Variants in ITGA8 observed in about 807,000 individuals in gnomAD.
ITGA8 encodes integrin subunit alpha 8.
In ITGA8, 91 loss-of-function variants were observed where a neutral mutation model predicts 142.3. That is an observed-to-expected ratio of 0.64 (90% CI 0.54 to 0.76). The LOEUF (loss-of-function observed/expected upper bound fraction) is 0.76. Among genes scored for constraint, ITGA8 ranks in the 30% least tolerant of loss-of-function variants. The pLI, the probability that ITGA8 is intolerant of heterozygous loss-of-function variation, is 0.00. For synonymous variants in ITGA8, 505 were observed against 485.2 expected, an observed-to-expected ratio of 1.04 and a Z score of -0.54; for missense variants, 1,406 against 1,327.7, an observed-to-expected ratio of 1.06 and a Z score of -0.92.
At chr10:15,584,604 A>G (rs559766318) in intron 23 of ITGA8, among the ~76,000 whole-genome samples, 2 of 152,332 alleles carry the variant, frequency 1.3e-5, no homozygotes, top group Non-Finnish European at 2.9e-5. Flanking sequence ...AGTTAAATAG[A>G]GCATACTCTC....
At chr10:15,662,754 C>T (rs956566117) in intron 8 of ITGA8, among the ~76,000 whole-genome samples, 3 of 152,162 alleles carry the variant, frequency 2.0e-5, no homozygotes, top group African/African-American at 7.2e-5. Flanking sequence ...TCATTTGCAG[C>T]TTAGAAAGGT....
At chr10:15,664,200 G>C (rs1437153238) in intron 8 of ITGA8, among the ~76,000 whole-genome samples, 1 of 152,146 alleles carries the variant, frequency 6.6e-6, no homozygotes, top group South Asian at 2.1e-4. Context: ...CTTGTCCAAG[G>C]TCACAGAGAT....
intron 27 of ITGA8, among the ~76,000 whole-genome samples, chr10:15,542,842 C>T (rs571118124): frequency 6.6e-6 from 1 of 152,182 alleles, no homozygotes; most frequent in South Asian, 2.1e-4. Flanking sequence ...CATTCATATA[C>T]AAGCATGTAT....
At chr10:15,691,536 C>G (rs912430493) in intron 2 of ITGA8, among the ~76,000 whole-genome samples, 1 of 152,178 alleles carries the variant, frequency 6.6e-6, no homozygotes, top group African/African-American at 2.4e-5. Flanking sequence ...TTTGCTACAA[C>G]ATGGATGAAC....
At chr10:15,602,989 C>G (rs1376068888) in intron 20 of ITGA8, among the ~76,000 whole-genome samples, 2 of 150,546 alleles carry the variant, frequency 1.3e-5, no homozygotes, top group Non-Finnish European at 2.9e-5. Context: ...CTGACATACA[C>G]AAAACAGCAG....
intron 8 of ITGA8, among the ~76,000 whole-genome samples, chr10:15,662,202 A>G (rs1213056475): frequency 3.3e-5 from 5 of 152,300 alleles, no homozygotes; most frequent in Admixed American, 6.5e-5. Flanking sequence ...TGATCAGGAC[A>G]GCTTAATTGC....
At chr10:15,653,875 C>CCCAGTCTTGCT (rs1834134748) in intron 11 of ITGA8, among the ~76,000 whole-genome samples, 2 of 150,914 alleles carry the variant, frequency 1.3e-5, no homozygotes, top group African/African-American at 4.9e-5. Context: ...CGCTCTGTTG[C>CCCAGTCTTGCT]CCAGGCTGGA....
At chr10:15,682,643 A>T (rs1311619052) in intron 4 of ITGA8, among the ~76,000 whole-genome samples, 1 of 152,110 alleles carries the variant, frequency 6.6e-6, no homozygotes, top group African/African-American at 2.4e-5. Flanking sequence ...TCGCATGAGC[A>T]CAGGAGTTCA....
At position 15,607,658 on chromosome 10, in the gene ITGA8, G is replaced by A. The variant is rs1339189547; in HGVS notation, c.1764+19C>T. ...GATATGAAGGAGAGAGGCCAGAGAA[G>A]TCTTTCTGGAATACTTACTCGAAGG... On this transcript the variant is annotated intron_variant, in intron 17 of 29. Transcript: ENST00000378076. 1 of 1,611,420 alleles carries A rather than the reference G, an allele frequency of 6.2e-7. No homozygotes were observed. Among genetic ancestry groups the A allele is most frequent in the Non-Finnish European group, 8.5e-7 (1 of 1,177,636 alleles).
At chr10:15,647,661 A>G (rs1177662940) in intron 11 of ITGA8, among the ~76,000 whole-genome samples, 2 of 151,310 alleles carry the variant, frequency 1.3e-5, no homozygotes, top group South Asian at 4.2e-4. Context: ...ACGGGGTTTC[A>G]CCTTGTTAGC....
chr10:15,712,712 A>G (rs1264960186), intron 2 of ITGA8, among the ~76,000 whole-genome samples: 2 of 152,226 alleles, frequency 1.3e-5, no homozygotes, highest in Non-Finnish European at 2.9e-5. Context: ...AACTCTCTCC[A>G]TCAATGCAAT....
chr10:15,586,677 G>T lies in ITGA8; in HGVS notation c.2292-13C>A. On this transcript the variant is annotated splice_polypyrimidine_tract_variant and intron_variant, in intron 22 of 29. Coordinates refer to ENST00000378076, the MANE Select transcript of ITGA8 (RefSeq NM_003638.3). ...GTCCTTGTTGGAACTAAAACACAAG[G>T]ACATGTGATTTAAATCTATCTGCTC... 1 of 1,530,950 alleles carries T rather than the reference G, an allele frequency of 6.5e-7. No homozygotes were observed. The highest frequency in any genetic ancestry group is 9.1e-7 in the Non-Finnish European group (1 of 1,104,486). 94.8% of individuals were successfully genotyped at this position (1,530,950 alleles called of 1,614,324 possible). A position where few individuals can be genotyped will look rare whatever the true frequency, so the allele number is the denominator to read the frequency against.
chr10:15,556,018 C>CTCT (rs1564349894), intron 26 of ITGA8, among the ~76,000 whole-genome samples: 4 of 53,636 alleles, frequency 7.5e-5, no homozygotes, highest in Non-Finnish European at 9.3e-5. Flanking sequence ...CTCTCTCTCT[C>CTCT]TTTTTTTTTT....
intron 2 of ITGA8, among the ~76,000 whole-genome samples, chr10:15,714,081 T>C (rs1216554984): frequency 6.6e-6 from 1 of 152,202 alleles, no homozygotes; most frequent in East Asian, 1.9e-4. Context: ...ATTATCATAA[T>C]TAATTAGCAC....
At chr10:15,581,797 TG>T (rs1834411990) in intron 23 of ITGA8, among the ~76,000 whole-genome samples, 1 of 152,200 alleles carries the variant, frequency 6.6e-6, no homozygotes, top group Admixed American at 6.5e-5. Context: ...ATTAGAAAGA[TG>T]TGCATACATA....
chr10:15,712,057 C>T (rs192874340), intron 2 of ITGA8, among the ~76,000 whole-genome samples: 1 of 152,224 alleles, frequency 6.6e-6, no homozygotes, highest in Admixed American at 6.5e-5. Context: ...TCTTAAATCT[C>T]CTTATCATGT....
chr10:15,517,282 C>A, intron 29 of ITGA8, 38 bp from the exon 30 acceptor site: 2 of 1,409,968 alleles, frequency 1.4e-6, no homozygotes, highest in South Asian at 2.5e-5. Flanking sequence ...TCACGTCATT[C>A]TGGGAACCTG....
chr10:15,663,900 A>G (rs1834336664), intron 8 of ITGA8, among the ~76,000 whole-genome samples: 1 of 152,210 alleles, frequency 6.6e-6, no homozygotes, highest in Non-Finnish European at 1.5e-5. Context: ...CACATTAAAA[A>G]AAATAATAAT....
At chr10:15,557,886 T>C (rs578058075) in intron 26 of ITGA8, among the ~76,000 whole-genome samples, 188 bp downstream of exon 26, 5 of 152,348 alleles carry the variant, frequency 3.3e-5, no homozygotes, top group Admixed American at 6.5e-5. Flanking sequence ...AAAGGTTATA[T>C]TGCAAGTGCT....
Sources: allele counts gnomAD v4.1 joint callset (sites outside exome capture counted in the v4.1 genomes callset), GRCh38; gene constraint gnomAD v4.1.1; transcripts MANE v1.5; gene names NCBI Gene and HGNC (gene_info 2026-07-23, HGNC 2026-07-21).